Variants in ADPRHL1 observed in about 807,000 individuals in gnomAD.
The protein encoded by ADPRHL1 is inactive ADP-ribosyltransferase ARH2.
Under a neutral mutation model 44.1 loss-of-function variants are expected in ADPRHL1, and 43 were observed. That is an observed-to-expected ratio of 0.98 (90% CI 0.76 to 1.26). ADPRHL1 has a LOEUF of 1.26. Among genes scored for constraint, ADPRHL1 ranks in the 50% most tolerant of loss-of-function variants. The pLI, the probability that ADPRHL1 is intolerant of heterozygous loss-of-function variation, is 0.00. For missense variants in ADPRHL1, 2,022 were observed against 2,496.9 expected (o/e 0.81, Z 4.05); for synonymous variants, 878 against 1,017.4 (o/e 0.86, Z 2.61).
At chr13:113,432,756 G>A (rs2044016008) in intron 3 of ADPRHL1, among the ~76,000 whole-genome samples, 2 of 152,236 alleles carry the variant, frequency 1.3e-5, no homozygotes, top group Admixed American at 1.3e-4. Context: ...TGCCCTCCTT[G>A]TTGGGATGCC....
intron 2 of ADPRHL1, among the ~76,000 whole-genome samples, chr13:113,436,387 G>A (rs576908024): frequency 3.2e-3 from 124 of 39,284 alleles, no homozygotes; most frequent in Admixed American, 4.2e-3. Context: ...GAACATAGGT[G>A]TACCCCGGGA....
intron 7 of ADPRHL1, 93 bp downstream of exon 7, chr13:113,422,733 C>G: frequency 1.3e-6 from 2 of 1,536,928 alleles, no homozygotes; most frequent in Admixed American, 4.1e-5. Flanking sequence ...TGGAGCCTCA[C>G]AGAGACACCC....
chr13:113,429,680 GT>G (rs1246107119), intron 3 of ADPRHL1, among the ~76,000 whole-genome samples: 1 of 152,236 alleles, frequency 6.6e-6, no homozygotes, highest in African/African-American at 2.4e-5. Flanking sequence ...GAAGGCTGAG[GT>G]GGGGGCTCTC....
At chr13:113,449,833 G>A (rs1276874666) in intron 1 of ADPRHL1, among the ~76,000 whole-genome samples, 3 of 152,230 alleles carry the variant, frequency 2.0e-5, no homozygotes, top group African/African-American at 4.8e-5. Context: ...GCAGGCCACC[G>A]TGATCTCAGC....
At chr13:113,445,060 C>T (rs745705234) in intron 1 of ADPRHL1, among the ~76,000 whole-genome samples, 15 of 152,214 alleles carry the variant, frequency 9.9e-5, no homozygotes, top group Non-Finnish European at 1.6e-4. Flanking sequence ...GCCAGAAACC[C>T]AGGTGCTGCA....
chr13:113,440,752 G>T (rs1431472581), intron 2 of ADPRHL1, among the ~76,000 whole-genome samples: 2 of 152,080 alleles, frequency 1.3e-5, no homozygotes, highest in Admixed American at 1.3e-4. Context: ...ACTGCACCTG[G>T]TCTATTTTTC....
At chr13:113,443,946 A>T (rs940033001) in intron 2 of ADPRHL1, among the ~76,000 whole-genome samples, 4 of 152,116 alleles carry the variant, frequency 2.6e-5, no homozygotes, top group Non-Finnish European at 5.9e-5. Flanking sequence ...CCATCTCAAA[A>T]AAAAAAAAAA....
At chr13:113,452,673 G>A (rs775659093) in intron 1 of ADPRHL1, among the ~76,000 whole-genome samples, 1 of 152,170 alleles carries the variant, frequency 6.6e-6, no homozygotes, top group Non-Finnish European at 1.5e-5. Flanking sequence ...ACACATTTGT[G>A]TATGGGCAAC....
intron 6 of ADPRHL1, among the ~76,000 whole-genome samples, chr13:113,423,192 G>A (rs1395975214): frequency 6.6e-6 from 1 of 152,142 alleles, no homozygotes; most frequent in Admixed American, 6.5e-5. Context: ...GGGAGGCAGA[G>A]GTGGCAACGA....
Position 113,407,659 on chromosome 13 carries a change from G to A in ADPRHL1, c.1623C>T (p.Ile541=). 8.1e-7 allele frequency: 1 copy of A among 1,232,080 alleles called. No individual in the cohort carries two copies. Among genetic ancestry groups the A allele is most frequent in the South Asian group, 4.1e-5 (1 of 24,324 alleles). The allele number at this position is 1,232,080 out of a possible 1,614,324, so 76.3% of individuals were successfully genotyped here. A position where few individuals can be genotyped will look rare whatever the true frequency, so the allele number is the denominator to read the frequency against. ...PKAARGLLPK[I]MGKSSVLSKL... is the part of the protein sequence containing the mutation. ...TGGACAGCACCGAGCTCTTGCCCAT[G>A]ATCTTCGGCAAGAGGCCCCTGGCGG... Residue 541 remains isoleucine, a synonymous_variant, in exon 8 of 8, where the codon ATC becomes ATT. Coordinates refer to ENST00000612156, the MANE Select transcript of ADPRHL1 (RefSeq NM_001394807.1).
At chr13:113,420,264 G>A (rs554149421) in intron 7 of ADPRHL1, among the ~76,000 whole-genome samples, 1 of 152,284 alleles carries the variant, frequency 6.6e-6, no homozygotes, top group South Asian at 2.1e-4. Flanking sequence ...GGCACTGCCA[G>A]CTTTTGTTTA....
rs1453270344 is a variant in ADPRHL1, at chr13:113,447,547, GTGCA to G, written c.215-2962_215-2959del. Among the ~76,000 whole-genome samples, 20 of 152,252 alleles carry G rather than the reference GTGCA, an allele frequency of 1.3e-4. No individual in the cohort carries two copies. In the South Asian group the frequency reaches 1.9e-3, roughly 14 times the overall value. On this transcript the variant is annotated intron_variant, in intron 1 of 7. Coordinates refer to ENST00000612156, the MANE Select transcript of ADPRHL1 (RefSeq NM_001394807.1). The stretch of plus-strand genomic sequence containing the variant: ...GGTGTCTACACTCACGGTGTTTTGT[GTGCA>G]TGGTGTCTACATGCACATTGTATGT...
In ADPRHL1 at chr13:113,441,254, A is replaced by G. The variant is rs563939190; in HGVS notation, c.379+3171T>C. 3.3e-5 allele frequency among the ~76,000 whole-genome samples: 5 copies of G among 152,280 alleles called. 1 individual carries two copies. The South Asian group carries it at 1.0e-3, about 32-fold the overall frequency. ...TCTGACTGTTATTGGGGGTCTTCACACCATTCGCATTTGGCGTCATTATTA... is the reference window on the plus strand; with the variant it reads ...TCTGACTGTTATTGGGGGTCTTCACGCCATTCGCATTTGGCGTCATTATTA... On this transcript the variant is annotated intron_variant, in intron 2 of 7. Transcript: ENST00000612156. The surrounding 1 kb of genome is among the most constrained non-coding windows in gnomAD (Gnocchi z 6.0).
chr13:113,407,470 C>A lies in ADPRHL1; in HGVS notation c.1812G>T (p.Lys604Asn). The change falls in exon 8 of 8, where the codon AAG becomes AAT. Residue 604 changes from lysine (K) to asparagine (N), a missense_variant. Transcript: ENST00000612156. ...HTATMASTCV[K>N]MPPARFLACT... ...AGGCCAGAAAGCGGGCAGGGGGCAT[C>A]TTGACGCAGGTGCTGGCCATGGTGG... 1 of 1,232,108 alleles carries A rather than the reference C, an allele frequency of 8.1e-7. No individual in the cohort carries two copies. Among genetic ancestry groups the A allele is most frequent in the South Asian group, 4.1e-5 (1 of 24,322 alleles). The allele number at this position is 1,232,108 out of a possible 1,614,324, so 76.3% of individuals were successfully genotyped here. A position where few individuals can be genotyped will look rare whatever the true frequency, so the allele number is the denominator to read the frequency against.
At chr13:113,418,474 A>G (rs753776903) in intron 7 of ADPRHL1, among the ~76,000 whole-genome samples, 1 of 152,240 alleles carries the variant, frequency 6.6e-6, no homozygotes, top group Non-Finnish European at 1.5e-5. Context: ...TCAGATATGA[A>G]AACACTGGAC....
At chr13:113,416,226 G>T (rs1248385287) in intron 7 of ADPRHL1, among the ~76,000 whole-genome samples, 1 of 152,004 alleles carries the variant, frequency 6.6e-6, no homozygotes, top group Non-Finnish European at 1.5e-5. Context: ...CTGAGTATCT[G>T]TATTTCCTGG....
chr13:113,405,687 C>G lies in ADPRHL1; in HGVS notation c.3595G>C (p.Val1199Leu). Residue 1199 changes from valine (V) to leucine (L), a missense_variant, in exon 8 of 8, where the codon GTC becomes CTC. Coordinates refer to ENST00000612156, the MANE Select transcript of ADPRHL1 (RefSeq NM_001394807.1). ...GTCGCAATGTCCTCTGGGTGCTGGACGAGGGCCACGCCTCTCAGGAGGCTC... is the reference window on the plus strand; with the variant it reads ...GTCGCAATGTCCTCTGGGTGCTGGAGGAGGGCCACGCCTCTCAGGAGGCTC... ...GRSLLRGVAL[V>L]QHPEDIATLA... 1 of 1,232,272 alleles carries G rather than the reference C, an allele frequency of 8.1e-7. No homozygotes were observed. 76.3% of individuals were successfully genotyped at this position (1,232,272 alleles called of 1,614,324 possible). A position where few individuals can be genotyped will look rare whatever the true frequency, so the allele number is the denominator to read the frequency against.
chr13:113,407,562 C>A lies in ADPRHL1; in HGVS notation c.1720G>T (p.Glu574Ter). The change falls in exon 8 of 8, where the codon GAG (glutamate) becomes TAG (stop). Residue 574 changes from glutamate to a stop codon, truncating the protein, a stop_gained. Coordinates refer to ENST00000612156, the MANE Select transcript of ADPRHL1 (RefSeq NM_001394807.1). LOFTEE classifies it low-confidence loss of function (END_TRUNC). ...EASALRLHTQERKKRNLQRKR... is the reference protein window; with the variant it reads ...EASALRLHTQ Reference sequence around the variant, plus strand: ...CTCTGCAGGTTCCTCTTCTTCCGCTCCTGCGTGTGCAGCCTCAGCGCACTG... The same window carrying A: ...CTCTGCAGGTTCCTCTTCTTCCGCTACTGCGTGTGCAGCCTCAGCGCACTG... 8.1e-7 allele frequency: 1 copy of A among 1,232,278 alleles called. No homozygotes were observed. Among genetic ancestry groups the A allele is most frequent in the Non-Finnish European group, 1.0e-6 (1 of 988,130 alleles). 76.3% of individuals were successfully genotyped at this position (1,232,278 alleles called of 1,614,324 possible).
In ADPRHL1 at chr13:113,405,497, C is replaced by G; in HGVS notation, c.3785G>C (p.Gly1262Ala). 3.2e-6 allele frequency: 4 copies of G among 1,232,002 alleles called. No homozygotes were observed. The highest frequency in any genetic ancestry group is 4.0e-6 in the Non-Finnish European group (4 of 988,148). 76.3% of individuals were successfully genotyped at this position (1,232,002 alleles called of 1,614,324 possible). Residue 1262 changes from glycine to alanine, a missense_variant, in exon 8 of 8, where the codon GGA becomes GCA. Gly to Ala is a moderately conservative substitution (Grantham distance 60). Transcript: ENST00000612156. ...CCTAGGATGATCAGAAGCAGGAATT[C>G]CAGACTCTGTGCTGAAACCCAAAAG... ...GNLLGFSTESGIPASDHPRPQ... is the reference protein window; with the variant it reads ...GNLLGFSTESAIPASDHPRPQ...
Sources: gnomAD v4.1 joint callset for allele counts (sites outside exome capture counted in the v4.1 genomes callset) on GRCh38, gnomAD v4.1.1 for gene constraint, Gnocchi (gnomAD v3.1) non-coding constraint, MANE v1.5 for transcripts, NCBI Gene and HGNC (gene_info 2026-07-23, HGNC 2026-07-21) for gene names.